Variants in SNTG1 observed in about 807,000 individuals in gnomAD.
SNTG1 encodes gamma-1-syntrophin.
A neutral mutation model predicts 74.7 loss-of-function variants in SNTG1; 39 were observed. The ratio of observed to expected loss-of-function variants is 0.52; its 90% CI spans 0.40 to 0.68. The LOEUF (loss-of-function observed/expected upper bound fraction) is 0.68. Ranked by LOEUF, SNTG1 falls within the 30% of genes least tolerant of loss-of-function variation. The probability of loss-of-function intolerance (pLI) is 0.00; values close to 1 mark genes in which losing one functional copy is unlikely to be tolerated. For missense variants in SNTG1, 685 were observed against 609.5 expected, an observed-to-expected ratio of 1.12 and a Z score of -1.30; for synonymous variants, 254 against 217.1, an observed-to-expected ratio of 1.17 and a Z score of -1.49.
At position 49,922,235 on chromosome 8, in the gene SNTG1, A is replaced by G. The variant is rs185852282; in HGVS notation, c.-103+10004A>G. ...GAAGTTTGCTTTTGTCTGATACTCA[A>G]ATTTCTCTCTCAATCACTCAGATTC... is the stretch of plus-strand genomic sequence containing the variant. On this transcript the variant is annotated intron_variant, in intron 1 of 18. Transcript: ENST00000642720. 3.4e-4 allele frequency among the ~76,000 whole-genome samples: 52 copies of G among 152,246 alleles called. 1 individual carries two copies. The East Asian group carries it at 0.01, about 29-fold the overall frequency.
At chr8:50,263,110 G>A (rs957840583) in intron 2 of SNTG1, among the ~76,000 whole-genome samples, 9 of 152,112 alleles carry the variant, frequency 5.9e-5, no homozygotes, top group Non-Finnish European at 2.9e-5. Context: ...TGAACTTTTC[G>A]TGATAATGAT....
At chr8:50,329,049 G>A (rs2090860408) in intron 2 of SNTG1, among the ~76,000 whole-genome samples, 2 of 152,164 alleles carry the variant, frequency 1.3e-5, no homozygotes, top group South Asian at 4.1e-4. Flanking sequence ...ATCCAGCAGA[G>A]CAGTCATTAA....
At chr8:50,284,856 T>C (rs927619605) in intron 2 of SNTG1, among the ~76,000 whole-genome samples, 2 of 152,086 alleles carry the variant, frequency 1.3e-5, no homozygotes, top group African/African-American at 4.8e-5. Context: ...TCCTATATCC[T>C]TAAAAAAGGA....
chr8:50,389,106 A>C (rs1044083563), intron 2 of SNTG1, among the ~76,000 whole-genome samples: 4 of 152,172 alleles, frequency 2.6e-5, no homozygotes, highest in African/African-American at 9.7e-5. Flanking sequence ...AGGGCACGGG[A>C]AGCATGTGAG....
intron 1 of SNTG1, among the ~76,000 whole-genome samples, chr8:50,056,041 C>T (rs1230198187): frequency 1.3e-5 from 2 of 152,038 alleles, no homozygotes; most frequent in African/African-American, 4.8e-5. Flanking sequence ...GAATCATCAC[C>T]TTTCCGTACA....
At chr8:50,014,530 GA>G (rs1816129596) in intron 1 of SNTG1, among the ~76,000 whole-genome samples, 2 of 152,168 alleles carry the variant, frequency 1.3e-5, no homozygotes, top group African/African-American at 4.8e-5. Flanking sequence ...GCATGACTAA[GA>G]AAGATCTTAG....
In SNTG1 at chr8:50,704,618, C is replaced by A; in HGVS notation, c.1057C>A (p.Arg353=). Residue 353 remains arginine, a synonymous_variant, in exon 16 of 19, where the codon CGA becomes AGA. Coordinates refer to ENST00000642720, the MANE Select transcript of SNTG1 (RefSeq NM_018967.5). ...KILKDSDLLD[R]RKQCFTVQSE... is the part of the protein sequence containing the mutation. ...TCACCAGGACAGTGACCTGCTGGACCGACGGAAACAGTGCTTCACCGTGCA... is the reference window on the plus strand; with the variant it reads ...TCACCAGGACAGTGACCTGCTGGACAGACGGAAACAGTGCTTCACCGTGCA... The A allele has an allele frequency of 6.2e-7, 1 of 1,614,028 alleles. No individual in the cohort carries two copies. Among genetic ancestry groups the A allele is most frequent in the Non-Finnish European group, 8.5e-7 (1 of 1,179,994 alleles).
At chr8:50,600,563 A>G (rs2094765313) in intron 13 of SNTG1, among the ~76,000 whole-genome samples, 1 of 152,052 alleles carries the variant, frequency 6.6e-6, no homozygotes, top group Non-Finnish European at 1.5e-5. Flanking sequence ...TGGATTTTCC[A>G]ATTTATTGCC....
At chr8:50,256,845 G>A (rs1433474505) in intron 2 of SNTG1, among the ~76,000 whole-genome samples, 2 of 151,862 alleles carry the variant, frequency 1.3e-5, no homozygotes, top group Admixed American at 1.3e-4. Context: ...AAGAGCATAC[G>A]TCAAATGGAG....
At chr8:50,264,109 G>C (rs138509829) in intron 2 of SNTG1, among the ~76,000 whole-genome samples, 2 of 151,970 alleles carry the variant, frequency 1.3e-5, no homozygotes. Flanking sequence ...GAATTACAAC[G>C]GAAATTAGAA....
At chr8:50,082,386 C>T (rs545650825) in intron 1 of SNTG1, among the ~76,000 whole-genome samples, 2 of 152,182 alleles carry the variant, frequency 1.3e-5, no homozygotes, top group African/African-American at 2.4e-5. Flanking sequence ...TAGATTCTGA[C>T]TTTTCCACAG....
At chr8:50,440,871 T>G (rs949751097) in intron 5 of SNTG1, among the ~76,000 whole-genome samples, 1 of 152,246 alleles carries the variant, frequency 6.6e-6, no homozygotes, top group African/African-American at 2.4e-5. Flanking sequence ...CACATGGTAT[T>G]TTAGTTTTAT....
intron 18 of SNTG1, among the ~76,000 whole-genome samples, chr8:50,756,654 T>C (rs1166480468): frequency 6.6e-6 from 1 of 151,868 alleles, no homozygotes; most frequent in African/African-American, 2.4e-5. Flanking sequence ...AACATCATGC[T>C]GTCTTGATGA....
intron 2 of SNTG1, among the ~76,000 whole-genome samples, chr8:50,296,189 G>A (rs2130614972): frequency 6.6e-6 from 1 of 152,242 alleles, no homozygotes; most frequent in Non-Finnish European, 1.5e-5. Flanking sequence ...AAACAAAACA[G>A]TGAAAGACAG....
intron 9 of SNTG1, among the ~76,000 whole-genome samples, chr8:50,515,167 G>T (rs961756913): frequency 8.5e-5 from 13 of 152,068 alleles, no homozygotes; most frequent in Admixed American, 2.0e-4. Flanking sequence ...AGATATTGCC[G>T]GTTTAGATCC....
chr8:49,994,525 A>G (rs916830212), intron 1 of SNTG1, among the ~76,000 whole-genome samples: 1 of 151,034 alleles, frequency 6.6e-6, no homozygotes, highest in Non-Finnish European at 1.5e-5. Context: ...TTGGCCTCCC[A>G]AAGTGTTGGG....
intron 1 of SNTG1, among the ~76,000 whole-genome samples, chr8:50,022,723 A>G (rs1816932974): frequency 6.6e-6 from 1 of 152,194 alleles, no homozygotes; most frequent in Admixed American, 6.5e-5. Flanking sequence ...GAGCTGCCAG[A>G]GCATACATGG....
intron 1 of SNTG1, among the ~76,000 whole-genome samples, chr8:50,098,184 A>C (rs203632): frequency 6.6e-6 from 1 of 151,860 alleles, no homozygotes; most frequent in Admixed American, 6.6e-5. Flanking sequence ...CATGGTTTCA[A>C]ATCTTTCCAG....
intron 12 of SNTG1, among the ~76,000 whole-genome samples, chr8:50,564,948 G>A (rs915543265): frequency 6.6e-6 from 1 of 152,060 alleles, no homozygotes; most frequent in African/African-American, 2.4e-5. Context: ...CAACTTTGGA[G>A]TGGACAAACC....
Sources: gnomAD v4.1 joint callset for allele counts (sites outside exome capture counted in the v4.1 genomes callset) on GRCh38, gnomAD v4.1.1 for gene constraint, MANE v1.5 for transcripts, NCBI Gene and HGNC (gene_info 2026-07-23, HGNC 2026-07-21) for gene names.